Variants in SCN11A observed in about 807,000 individuals in gnomAD.
The protein encoded by SCN11A is sodium channel protein type 11 subunit alpha.
In SCN11A, 122 loss-of-function variants were observed where a neutral mutation model predicts 162.2. That is an observed-to-expected ratio of 0.75 (90% CI 0.65 to 0.87). The LOEUF is 0.87. Among genes scored for constraint, SCN11A ranks in the 40% least tolerant of loss-of-function variants. The probability of loss-of-function intolerance (pLI) is 0.00; values close to 1 mark genes in which losing one functional copy is unlikely to be tolerated. For synonymous variants in SCN11A, 758 were observed against 751.5 expected (o/e 1.01, Z -0.14); for missense variants, 2,015 against 2,181.6 (o/e 0.92, Z 1.52).
rs542565213 is a variant in SCN11A at position 38,944,617 on chromosome 3, C to T, written c.488+794G>A. Reference sequence around the variant, plus strand: ...CTGGCATTACAGGCATGAGCCACCACGCCCAGCCTAGAAAATCCATTTCTA... The same window carrying T: ...CTGGCATTACAGGCATGAGCCACCATGCCCAGCCTAGAAAATCCATTTCTA... On this transcript the variant is annotated intron_variant, in intron 7 of 29. Coordinates refer to ENST00000302328, the MANE Select transcript of SCN11A (RefSeq NM_001349253.2). Among the ~76,000 whole-genome samples the T allele has an allele frequency of 7.2e-5, 11 of 151,998 alleles. No individual in the cohort carries two copies. The South Asian group carries it at 1.9e-3, about 26-fold the overall frequency.
intron 11 of SCN11A, 122 bp downstream of exon 11, chr3:38,919,813 T>G: frequency 1.1e-5 from 8 of 748,354 alleles, no homozygotes; most frequent in East Asian, 2.6e-5. Context: ...TTTAGACACA[T>G]GAAATAATTA....
In SCN11A at chr3:38,847,637, C is replaced by T. The variant is rs758597298; in HGVS notation, c.4433G>A (p.Arg1478Gln). 6.8e-6 allele frequency: 11 copies of T among 1,613,916 alleles called. No homozygotes were observed. Among genetic ancestry groups the T allele is most frequent in the Admixed American group, 1.7e-5 (1 of 60,002 alleles). Residue 1478 changes from arginine to glutamine, a missense_variant, in exon 30 of 30, where the codon CGG becomes CAG. Arg to Gln is a conservative substitution (Grantham distance 43). Coordinates refer to ENST00000302328, the MANE Select transcript of SCN11A (RefSeq NM_001349253.2). Reference protein sequence around the residue: ...ARIGRILRLVRAARGIRTLLF... With the variant: ...ARIGRILRLVQAARGIRTLLF... ...GAGAGTCCTGATTCCTCGTGCAGCC[C>T]GGACAAGCCTCAGGATTCGGCCAAT... is the stretch of plus-strand genomic sequence containing the variant.
intron 2 of SCN11A, among the ~76,000 whole-genome samples, chr3:39,015,166 G>A (rs1433814565): frequency 6.6e-6 from 1 of 152,244 alleles, no homozygotes; most frequent in African/African-American, 2.4e-5. Context: ...CCTCATGGGT[G>A]TGATTGGTGC....
At chr3:38,998,271 G>C (rs2030704045) in intron 2 of SCN11A, among the ~76,000 whole-genome samples, 1 of 152,180 alleles carries the variant, frequency 6.6e-6, no homozygotes, top group South Asian at 2.1e-4. Context: ...AGCCATCCCA[G>C]CATTTCTGTG....
intron 28 of SCN11A, among the ~76,000 whole-genome samples, chr3:38,861,495 C>T (rs568292554): frequency 1.3e-5 from 2 of 152,252 alleles, no homozygotes; most frequent in African/African-American, 4.8e-5. Context: ...TTAAACTATA[C>T]TACAAGGCCA....
In SCN11A at chr3:38,921,095, G is replaced by C. The variant is rs1201563923; in HGVS notation, c.873C>G (p.Ile291Met). The C allele has an allele frequency of 6.2e-7, 1 of 1,614,008 alleles. No homozygotes were observed. Among genetic ancestry groups the C allele is most frequent in the Admixed American group, 1.7e-5 (1 of 60,008 alleles). Residue 291 changes from isoleucine to methionine, a missense_variant, in exon 10 of 30, where the codon ATC becomes ATG. Ile to Met is a conservative substitution (Grantham distance 10). Coordinates refer to ENST00000302328, the MANE Select transcript of SCN11A (RefSeq NM_001349253.2). ...LKCISRDCKN[I>M]SNPEAYDHCF... ...ATTTACCATAAGCTTCCGGGTTACTGATATTTTTACAGTCCCTCGAGATGC... is the reference window on the plus strand; with the variant it reads ...ATTTACCATAAGCTTCCGGGTTACTCATATTTTTACAGTCCCTCGAGATGC...
chr3:38,862,888 G>A (rs576697957), intron 28 of SCN11A, among the ~76,000 whole-genome samples: 2 of 151,992 alleles, frequency 1.3e-5, no homozygotes, highest in African/African-American at 4.8e-5. Context: ...AAAAACTACT[G>A]AAATAAAATA....
Position 38,905,235 on chromosome 3 carries a change from C to A in SCN11A, c.1560G>T (p.Gln520His), listed in dbSNP as rs774075554. 17 of 1,613,982 alleles carry A rather than the reference C, an allele frequency of 1.1e-5. No homozygotes were observed. The highest frequency in any genetic ancestry group is 8.3e-5 in the Admixed American group (5 of 60,010). The part of the protein sequence containing the change: ...FDEHGDPLQR[Q>H]RALSAVSILT... ...GGATGCTGACAGCACTCAGTGCTCT[C>A]TGCCTTTGGAGAGGATCTCCATGCT... The change falls in exon 15 of 30, where the codon CAG becomes CAT. Residue 520 changes from glutamine (Q) to histidine (H), a missense_variant. Transcript: ENST00000302328.
intron 13 of SCN11A, 66 bp downstream of exon 13, chr3:38,908,931 A>C: frequency 5.6e-6 from 8 of 1,417,144 alleles, no homozygotes; most frequent in Non-Finnish European, 8.0e-6. Context: ...GTCTCAGGTC[A>C]CATTGCCTCT....
At chr3:38,988,963 T>C (rs1553648139) in intron 2 of SCN11A, among the ~76,000 whole-genome samples, 1 of 152,174 alleles carries the variant, frequency 6.6e-6, no homozygotes, top group Non-Finnish European at 1.5e-5. Flanking sequence ...GGCTGCATAT[T>C]CTTTGGCACC....
At chr3:38,855,770 A>G (rs547348454) in intron 28 of SCN11A, among the ~76,000 whole-genome samples, 2 of 152,336 alleles carry the variant, frequency 1.3e-5, no homozygotes, top group South Asian at 2.1e-4. Flanking sequence ...GAAAGCCAGC[A>G]TACTAAATGT....
chr3:39,026,301 T>C (rs1276974579), intron 2 of SCN11A, among the ~76,000 whole-genome samples: 1 of 152,228 alleles, frequency 6.6e-6, no homozygotes, highest in Non-Finnish European at 1.5e-5. Context: ...TGAAAATTCA[T>C]TAAGCTCTAT....
intron 1 of SCN11A, among the ~76,000 whole-genome samples, chr3:39,040,382 C>A (rs563523111): frequency 2.0e-5 from 3 of 152,282 alleles, no homozygotes; most frequent in Admixed American, 2.0e-4. Context: ...GGAAAAAAGT[C>A]TTTCCCAATG....
intron 19 of SCN11A, among the ~76,000 whole-genome samples, chr3:38,887,184 C>G (rs929770128): frequency 6.6e-6 from 1 of 152,080 alleles, no homozygotes; most frequent in African/African-American, 2.4e-5. Flanking sequence ...CCAGGTACCT[C>G]TAGAATTCTC....
chr3:39,034,247 G>A (rs967557484), intron 1 of SCN11A, among the ~76,000 whole-genome samples: 2 of 152,050 alleles, frequency 1.3e-5, no homozygotes, highest in South Asian at 2.1e-4. Context: ...TAAAAAGATC[G>A]TTCATTATGA....
At chr3:39,002,220 T>C (rs995113583) in intron 2 of SCN11A, among the ~76,000 whole-genome samples, 10 of 152,216 alleles carry the variant, frequency 6.6e-5, no homozygotes, top group Non-Finnish European at 1.2e-4. Context: ...ATAATAACTT[T>C]TGAAATTTGG....
In SCN11A at chr3:38,871,603, A is replaced by G; in HGVS notation, c.3601T>C (p.Ser1201Pro). 2 of 1,613,202 alleles carry G rather than the reference A, an allele frequency of 1.2e-6. No individual in the cohort carries two copies. The highest frequency in any genetic ancestry group is 1.7e-6 in the Non-Finnish European group (2 of 1,179,378). Residue 1201 changes from serine to proline, a missense_variant, in exon 25 of 30, where the codon TCT becomes CCT. By Grantham distance (74) the Ser-to-Pro change is moderately conservative. Transcript: ENST00000302328. Reference sequence around the variant, plus strand: ...TTAATGCATTTCCCAAATTTTCCAGAAAAGAAGTATACTCCCAGAATACAA... The same window carrying G: ...TTAATGCATTTCCCAAATTTTCCAGGAAAGAAGTATACTCCCAGAATACAA... ...VFCILGVYFF[S>P]GKFGKCINGT...
chr3:38,871,101 C>T (rs2065118812), intron 25 of SCN11A, among the ~76,000 whole-genome samples: 1 of 152,178 alleles, frequency 6.6e-6, no homozygotes, highest in African/African-American at 2.4e-5. Context: ...CAAGACCTGG[C>T]AACTGTGCTT....
rs2066018858 is a variant in SCN11A, at chr3:38,919,960, T to C, written c.934A>G (p.Met312Val). The change falls in exon 11 of 30, where the codon ATG becomes GTG. Residue 312 changes from methionine to valine, a missense_variant. By Grantham distance (21) the Met-to-Val change is conservative. Coordinates refer to ENST00000302328, the MANE Select transcript of SCN11A (RefSeq NM_001349253.2). Reference protein sequence around the residue: ...EKKENSPEFKMCGIWMGNSAC... With the variant: ...EKKENSPEFKVCGIWMGNSAC... ...CTGTTACCCATCCAGATGCCACACA[T>C]TTTGAATTCAGGTGAATTTTCTTTC... The C allele has an allele frequency of 6.2e-7, 1 of 1,613,266 alleles. No homozygotes were observed. The highest frequency in any genetic ancestry group is 1.3e-5 in the African/African-American group (1 of 74,872).
Sources: allele counts gnomAD v4.1 joint callset (sites outside exome capture counted in the v4.1 genomes callset), GRCh38; gene constraint gnomAD v4.1.1; transcripts MANE v1.5; gene names NCBI Gene and HGNC (gene_info 2026-07-23, HGNC 2026-07-21).